The following CHMP5 variants were observed in gnomAD, a reference collection of about 807,000 sequenced individuals.
CHMP5 encodes the protein SNF7 domain containing 2.
In CHMP5, 17 loss-of-function variants were observed where a neutral mutation model predicts 33.0. That is an observed-to-expected ratio of 0.52 (90% CI 0.35 to 0.77). The LOEUF is 0.77. Ranked by LOEUF, CHMP5 falls within the 30% of genes least tolerant of loss-of-function variation. The probability of loss-of-function intolerance (pLI) is 0.01; values close to 1 mark genes in which losing one functional copy is unlikely to be tolerated. For synonymous variants in CHMP5, 76 were observed against 90.2 expected (o/e 0.84, Z 0.89); for missense variants, 216 against 261.5 (o/e 0.83, Z 1.20).
chr9:33,265,108 C>T lies in CHMP5; in HGVS notation c.30C>T (p.Pro10=), dbSNP rs1346769741. The change falls in exon 1 of 8, where the codon CCC becomes CCT. Residue 10 remains proline (P), a synonymous_variant. Coordinates refer to ENST00000223500, the MANE Select transcript of CHMP5 (RefSeq NM_016410.6). MNRLFGKAK[P]KAPPPSLTDC... ...ACCGACTCTTCGGGAAAGCGAAACCCAAGGCTCCGCCGCCCAGCCTGACTG... is the reference window on the plus strand; with the variant it reads ...ACCGACTCTTCGGGAAAGCGAAACCTAAGGCTCCGCCGCCCAGCCTGACTG... The T allele has an allele frequency of 6.2e-7, 1 of 1,614,086 alleles. No individual in the cohort carries two copies. The highest frequency in any genetic ancestry group is 8.5e-7 in the Non-Finnish European group (1 of 1,180,036).
chr9:33,269,098 T>TATAAA (rs1820762743), intron 3 of CHMP5, among the ~76,000 whole-genome samples: 3 of 152,248 alleles, frequency 2.0e-5, no homozygotes, highest in African/African-American at 7.2e-5. Flanking sequence ...AAGAACATAG[T>TATAAA]GACATAAGTC....
At chr9:33,272,667 G>A (rs1179100638) in intron 5 of CHMP5, among the ~76,000 whole-genome samples, 1 of 152,096 alleles carries the variant, frequency 6.6e-6, no homozygotes, top group African/African-American at 2.4e-5. Flanking sequence ...AGCCGAGCAT[G>A]GTGGTGTGTG....
rs764757933 is a variant in CHMP5, at chr9:33,278,175, G to C, written c.559G>C (p.Ala187Pro). 1 of 1,613,384 alleles carries C rather than the reference G, an allele frequency of 6.2e-7. No individual in the cohort carries two copies. Among genetic ancestry groups the C allele is most frequent in the Non-Finnish European group, 8.5e-7 (1 of 1,179,562 alleles). Residue 187 changes from alanine (A) to proline (P), a missense_variant, in exon 7 of 8, where the codon GCA (alanine) becomes CCA (proline). Physicochemically the swap from Ala to Pro is conservative, Grantham distance 27. Transcript: ENST00000223500. The stretch of plus-strand genomic sequence containing the variant: ...AGACAGTTCTTATTTGGATGAGGCA[G>C]CATCTGCACCTGCAATTCCAGAAGG... ...DEDSSYLDEA[A>P]SAPAIPEGVP...
intron 5 of CHMP5, among the ~76,000 whole-genome samples, chr9:33,271,434 T>G (rs1820793310): frequency 6.6e-6 from 1 of 152,234 alleles, no homozygotes; most frequent in Non-Finnish European, 1.5e-5. Context: ...GTCCCCGATT[T>G]AAGACGGTTC....
intron 1 of CHMP5, 58 bp from the exon 2 acceptor site, chr9:33,265,952 C>A: frequency 9.1e-7 from 1 of 1,099,610 alleles, no homozygotes; most frequent in East Asian, 2.4e-5. Context: ...CTCTACCTGC[C>A]CCTTCTGGAA....
Position 33,278,932 on chromosome 9 carries a change from C to CT in CHMP5, c.609+716dup, listed in dbSNP as rs539971884. 1.2e-4 allele frequency among the ~76,000 whole-genome samples: 18 copies of CT among 151,294 alleles called. No homozygotes were observed. In the East Asian group the frequency reaches 1.6e-3, roughly 13 times the overall value. On this transcript the variant is annotated intron_variant, in intron 7 of 7. Transcript: ENST00000223500. ...GCTCTGTCCAAATCTACATGATTGTCTTTTTTTTTGAGACAGAGACTCATT... is the reference window on the plus strand; with the variant it reads ...GCTCTGTCCAAATCTACATGATTGTCTTTTTTTTTTGAGACAGAGACTCATT...
intron 7 of CHMP5, among the ~76,000 whole-genome samples, chr9:33,278,959 T>G (rs1820887663): frequency 6.6e-6 from 1 of 152,204 alleles, no homozygotes; most frequent in Non-Finnish European, 1.5e-5. Context: ...AGACTCATTC[T>G]GTCACTCAGG....
rs1587795091 is a variant in CHMP5, at chr9:33,265,311, G to C, written c.69+164G>C. The stretch of plus-strand genomic sequence containing the variant: ...TCTCCCCTTCATCCCTGTTACCCAA[G>C]TCATTCCTAACGCCACAAACCAGGG... On this transcript the variant is annotated intron_variant, in intron 1 of 7. Coordinates refer to ENST00000223500, the MANE Select transcript of CHMP5 (RefSeq NM_016410.6). Among the ~76,000 whole-genome samples the C allele has an allele frequency of 2.0e-5, 3 of 148,620 alleles. 1 individual carries two copies. The Admixed American group carries it at 2.1e-4, about 10-fold the overall frequency.
At chr9:33,279,724 G>C (rs954228132) in intron 7 of CHMP5, among the ~76,000 whole-genome samples, 1 of 151,882 alleles carries the variant, frequency 6.6e-6, no homozygotes, top group African/African-American at 2.4e-5. Flanking sequence ...TTAGCTGGGC[G>C]TGGTGGCAGG....
Position 33,282,023 on chromosome 9 carries a change from G to C in CHMP5, c.*1164G>C, listed in dbSNP as rs1820927681. 1 of 152,148 alleles carries C rather than the reference G, an allele frequency of 6.6e-6. No individual in the cohort carries two copies. Among genetic ancestry groups the C allele is most frequent in the South Asian group, 2.1e-4 (1 of 4,830 alleles). The allele number at this position is 152,148 out of a possible 1,614,324, so 9.4% of individuals were successfully genotyped here. On this transcript the variant is annotated 3_prime_UTR_variant, in exon 8 of 8. Coordinates refer to ENST00000223500, the MANE Select transcript of CHMP5 (RefSeq NM_016410.6). Reference sequence around the variant, plus strand: ...GTGCCTCACAGTGCTATGTGCACCTGACTCTCATGTGTCTGCAGATCAAAC... The same window carrying C: ...GTGCCTCACAGTGCTATGTGCACCTCACTCTCATGTGTCTGCAGATCAAAC...
At chr9:33,265,223 C>A in intron 1 of CHMP5, 76 bp downstream of exon 1, 1 of 1,428,028 alleles carries the variant, frequency 7.0e-7, no homozygotes, top group Non-Finnish European at 9.9e-7. Context: ...GCCCCGGGCC[C>A]ATATTCTTCC....
intron 3 of CHMP5, among the ~76,000 whole-genome samples, chr9:33,268,868 G>A (rs964107792): frequency 2.6e-5 from 4 of 152,200 alleles, no homozygotes; most frequent in African/African-American, 9.7e-5. Context: ...TACGTGGTAT[G>A]TGTGCATATA....
At chr9:33,266,739 T>A (rs1820732192) in intron 2 of CHMP5, among the ~76,000 whole-genome samples, 1 of 152,168 alleles carries the variant, frequency 6.6e-6, no homozygotes, top group African/African-American at 2.4e-5. Context: ...ATCAATGACT[T>A]GCTAAGCTGG....
At chr9:33,274,994 A>G (rs909374978) in intron 5 of CHMP5, among the ~76,000 whole-genome samples, 3 of 152,218 alleles carry the variant, frequency 2.0e-5, no homozygotes, top group Non-Finnish European at 2.9e-5. Flanking sequence ...GAGTAATGGC[A>G]AAATTGAACT....
chr9:33,273,611 G>T (rs1050059342), intron 5 of CHMP5, among the ~76,000 whole-genome samples: 1 of 151,588 alleles, frequency 6.6e-6, no homozygotes, highest in African/African-American at 2.4e-5. Context: ...TATTTTCATT[G>T]TTTTATAGCT....
rs1428145810 is a variant in CHMP5 at position 33,266,009 on chromosome 9, G to A, written c.70-1G>A. The A allele has an allele frequency of 6.2e-7, 1 of 1,604,876 alleles. No homozygotes were observed. The highest frequency in any genetic ancestry group is 1.7e-4 in the Middle Eastern group (1 of 6,050). On this transcript the variant is annotated splice_acceptor_variant, in intron 1 of 7. Coordinates refer to ENST00000223500, the MANE Select transcript of CHMP5 (RefSeq NM_016410.6). LOFTEE classifies it high-confidence loss of function. Reference sequence around the variant, plus strand: ...CAGTGCATTTGATATTTTCCCCTAAGGTGGACAGTAGAGCAGAATCCATTG... The same window carrying A: ...CAGTGCATTTGATATTTTCCCCTAAAGTGGACAGTAGAGCAGAATCCATTG...
chr9:33,270,810 A>T, intron 4 of CHMP5, 94 bp downstream of exon 4: 1 of 1,035,596 alleles, frequency 9.7e-7, no homozygotes. Flanking sequence ...AGCCAGGCAC[A>T]GTGGCTCACG....
chr9:33,274,774 C>T (rs1039055593), intron 5 of CHMP5, among the ~76,000 whole-genome samples: 1 of 152,114 alleles, frequency 6.6e-6, no homozygotes, highest in African/African-American at 2.4e-5. Flanking sequence ...TGCCACCATG[C>T]CTGGCTAATT....
At chr9:33,275,161 A>C (rs1820838238) in intron 5 of CHMP5, among the ~76,000 whole-genome samples, 1 of 152,200 alleles carries the variant, frequency 6.6e-6, no homozygotes, top group Admixed American at 6.5e-5. Flanking sequence ...GATATTTTTC[A>C]ACCAAACGAG....
Sources: allele counts gnomAD v4.1 joint callset (sites outside exome capture counted in the v4.1 genomes callset), GRCh38; gene constraint gnomAD v4.1.1; transcripts MANE v1.5; gene names NCBI Gene and HGNC (gene_info 2026-07-23, HGNC 2026-07-21).